Variants in PCDHA10 observed in about 807,000 individuals in gnomAD.
PCDHA10 encodes protocadherin alpha-10.
Under a neutral mutation model 61.2 loss-of-function variants are expected in PCDHA10, and 45 were observed. The observed-to-expected ratio is 0.74, with a 90% CI of 0.58 to 0.94. The LOEUF is 0.94. Among genes scored for constraint, PCDHA10 ranks in the 40% least tolerant of loss-of-function variants. The probability of loss-of-function intolerance (pLI) is 0.00; values close to 1 mark genes in which losing one functional copy is unlikely to be tolerated. For synonymous variants in PCDHA10, 602 were observed against 548.8 expected (o/e 1.10, Z -1.35); for missense variants, 1,278 against 1,236.2 (o/e 1.03, Z -0.51).
chr5:140,864,279 T>C (rs1554158753), intron 1 of PCDHA10: 1 of 152,238 alleles, frequency 6.6e-6, no homozygotes, highest in African/African-American at 2.4e-5. Context: ...CCATTCCTTA[T>C]TGTTTTTATG....
chr5:140,982,507 G>T lies in PCDHA10; in HGVS notation c.2480G>T (p.Arg827Leu). Reference sequence around the variant, plus strand: ...CACCTAGAGGAGGCTGGCATTCTACGGGCTGGTCCAGGAGGGCCTGATCAG... The same window carrying T: ...CACCTAGAGGAGGCTGGCATTCTACTGGCTGGTCCAGGAGGGCCTGATCAG... The part of the protein sequence containing the change: ...SVHLEEAGIL[R>L]AGPGGPDQQW... The change falls in exon 3 of 4, where the codon CGG becomes CTG. Residue 827 changes from arginine to leucine, a missense_variant. Physicochemically the swap from Arg to Leu is moderately radical, Grantham distance 102. Coordinates refer to ENST00000307360, the MANE Select transcript of PCDHA10 (RefSeq NM_018901.4). 6.2e-7 allele frequency: 1 copy of T among 1,614,138 alleles called. No homozygotes were observed. Among genetic ancestry groups the T allele is most frequent in the Non-Finnish European group, 8.5e-7 (1 of 1,180,018 alleles).
intron 1 of PCDHA10, among the ~76,000 whole-genome samples, chr5:140,937,688 G>A (rs112584533): frequency 0.018 from 2,711 of 151,860 alleles, 77 homozygotes; most frequent in African/African-American, 0.063. Context: ...TGAGGCAGGC[G>A]GATCACGAGG....
chr5:140,983,719 A>C (rs1417350764), intron 3 of PCDHA10, among the ~76,000 whole-genome samples: 1 of 152,256 alleles, frequency 6.6e-6, no homozygotes, highest in African/African-American at 2.4e-5. Context: ...TAGCACTTAT[A>C]TTCATAACAT....
At chr5:140,993,468 AC>A (rs2097564676) in intron 3 of PCDHA10, among the ~76,000 whole-genome samples, 1 of 69,412 alleles carries the variant, frequency 1.4e-5, no homozygotes, top group South Asian at 5.5e-4. Context: ...TTTCTCACAC[AC>A]ACACACACAC....
chr5:140,917,256 T>C (rs1043140553), intron 1 of PCDHA10, among the ~76,000 whole-genome samples: 6 of 151,524 alleles, frequency 4.0e-5, no homozygotes, highest in African/African-American at 7.3e-5. Context: ...ATTGCTCACC[T>C]GATGTTTGGT....
intron 3 of PCDHA10, among the ~76,000 whole-genome samples, chr5:141,000,006 C>T (rs1453937377): frequency 1.3e-5 from 2 of 151,992 alleles, no homozygotes; most frequent in Admixed American, 1.3e-4. Context: ...TTAGATTGGC[C>T]TCCCCATTGC....
intron 1 of PCDHA10, chr5:140,883,878 C>T: frequency 1.9e-6 from 3 of 1,613,260 alleles, no homozygotes; most frequent in Middle Eastern, 1.7e-4. Context: ...CAGGTGAGCG[C>T]GCGCGACTCT....
rs782611887 is a variant in PCDHA10 at position 140,857,784 on chromosome 5, T to A, written c.1736T>A (p.Leu579Gln). 1 of 1,597,680 alleles carries A rather than the reference T, an allele frequency of 6.3e-7. No homozygotes were observed. The highest frequency in any genetic ancestry group is 1.1e-5 in the South Asian group (1 of 90,492). ...AGCGCGGGCGGTGCAGTCAGTGAGC[T>A]GGTGCTGCGGTCGGTGGTTGCGGGT... ...AGSAGGAVSE[L>Q]VLRSVVAGHV... Residue 579 changes from leucine (L) to glutamine (Q), a missense_variant, in exon 1 of 4, where the codon CTG becomes CAG. Transcript: ENST00000307360.
In PCDHA10 at chr5:140,857,755, T is replaced by G. The variant is rs1427129030; in HGVS notation, c.1707T>G (p.Ala569=). The G allele has an allele frequency of 6.3e-7, 1 of 1,597,184 alleles. No homozygotes were observed. Among genetic ancestry groups the G allele is most frequent in the Non-Finnish European group, 8.6e-7 (1 of 1,167,478 alleles). The change falls in exon 1 of 4, where the codon GCT becomes GCG. Residue 569 remains alanine, a synonymous_variant. Coordinates refer to ENST00000307360, the MANE Select transcript of PCDHA10 (RefSeq NM_018901.4). The stretch of plus-strand genomic sequence containing the variant: ...CTCCCGCGCTGCTGGCGTCTCCCGC[T>G]GGCAGCGCGGGCGGTGCAGTCAGTG... ...DNAPALLASP[A]GSAGGAVSEL... is the part of the protein sequence containing the mutation.
chr5:140,886,961 C>T (rs1340952035), intron 1 of PCDHA10, among the ~76,000 whole-genome samples: 1 of 151,926 alleles, frequency 6.6e-6, no homozygotes, highest in South Asian at 2.1e-4. Context: ...CATTTAGCAA[C>T]GAAATTTATT....
intron 1 of PCDHA10, chr5:140,882,638 A>G (rs2059233239): frequency 5.0e-6 from 8 of 1,614,116 alleles, no homozygotes; most frequent in African/African-American, 1.3e-5. Context: ...GGTGAAGGTG[A>G]GGGACATTAA....
intron 1 of PCDHA10, among the ~76,000 whole-genome samples, chr5:140,891,208 C>T (rs2062983751): frequency 1.3e-5 from 2 of 152,002 alleles, no homozygotes; most frequent in African/African-American, 4.8e-5. Context: ...TTTTACCATG[C>T]TGTGTCTTTA....
intron 1 of PCDHA10, chr5:140,966,499 A>C (rs960365429): frequency 1.4e-5 from 6 of 431,834 alleles, no homozygotes; most frequent in Non-Finnish European, 2.4e-5. Context: ...CTGGAGCTGT[A>C]GCGGCAGCAG....
chr5:141,010,396 C>A lies in PCDHA10; in HGVS notation c.*459C>A. 7.5e-7 allele frequency: 1 copy of A among 1,337,260 alleles called. No individual in the cohort carries two copies. Among genetic ancestry groups the A allele is most frequent in the Non-Finnish European group, 1.0e-6 (1 of 999,990 alleles). 82.8% of individuals were successfully genotyped at this position (1,337,260 alleles called of 1,614,324 possible). On this transcript the variant is annotated 3_prime_UTR_variant, in exon 4 of 4. Coordinates refer to ENST00000307360, the MANE Select transcript of PCDHA10 (RefSeq NM_018901.4). ...GTGCCAGATATTGGCTGAGACGAGC[C>A]AGCTTAGACTAATTGGTACAAGGAA...
At chr5:140,861,560 C>A in intron 1 of PCDHA10, 2 of 391,162 alleles carry the variant, frequency 5.1e-6, no homozygotes, top group Admixed American at 2.5e-5. Flanking sequence ...TGATCGTGGA[C>A]AAGCTGCTAC....
At chr5:140,938,174 G>A (rs1394846002) in intron 1 of PCDHA10, among the ~76,000 whole-genome samples, 3 of 152,200 alleles carry the variant, frequency 2.0e-5, no homozygotes, top group Admixed American at 6.5e-5. Context: ...TGGAGCTCCT[G>A]GGCTCAAGCA....
intron 1 of PCDHA10, among the ~76,000 whole-genome samples, chr5:140,912,613 T>A (rs183484256): frequency 5.3e-4 from 80 of 152,290 alleles, no homozygotes; most frequent in African/African-American, 1.5e-3. Flanking sequence ...TCTTGTCTGA[T>A]TACTCTGGAT....
At chr5:140,936,527 T>G (rs533687361) in intron 1 of PCDHA10, among the ~76,000 whole-genome samples, 3 of 152,368 alleles carry the variant, frequency 2.0e-5, no homozygotes, top group African/African-American at 7.2e-5. Context: ...CTGAAATTGC[T>G]TTTGAATATA....
chr5:140,990,621 G>A (rs75224471), intron 3 of PCDHA10, among the ~76,000 whole-genome samples: 1,861 of 152,288 alleles, frequency 0.012, 44 homozygotes, highest in African/African-American at 0.043. Context: ...GTAAAGGTCT[G>A]TGGTAAGACT....
Sources: allele counts gnomAD v4.1 joint callset (sites outside exome capture counted in the v4.1 genomes callset), GRCh38; gene constraint gnomAD v4.1.1; transcripts MANE v1.5; gene names NCBI Gene and HGNC (gene_info 2026-07-23, HGNC 2026-07-21).